DMD: variants seen among roughly 807,000 people sequenced by gnomAD.
The protein encoded by DMD is dystrophin.
DMD carries 63 observed loss-of-function variants against 330.1 expected under a neutral mutation model. The ratio of observed to expected loss-of-function variants is 0.19; its 90% CI spans 0.16 to 0.24. DMD has a LOEUF of 0.24. DMD is among the 10% of genes least tolerant of loss of function. DMD has a pLI of 1.00. For missense variants in DMD, 3,344 were observed against 2,684.1 expected, an observed-to-expected ratio of 1.25 and a Z score of -5.43; for synonymous variants, 1,223 against 959.8, an observed-to-expected ratio of 1.27 and a Z score of -5.07.
chrX:31,302,817 C>G (rs888001344), intron 62 of DMD, among the ~76,000 whole-genome samples: 1 of 111,530 alleles, frequency 9.0e-6, no homozygotes, highest in Non-Finnish European at 1.9e-5. Flanking sequence ...AAGAAGACCT[C>G]TGACAAGCAA....
At chrX:32,664,405 C>A (rs1265846614) in intron 9 of DMD, among the ~76,000 whole-genome samples, 1 of 109,630 alleles carries the variant, frequency 9.1e-6, no homozygotes, top group Non-Finnish European at 1.9e-5. Context: ...CCACGGCCGG[C>A]AAATTTTTTG....
At chrX:32,348,604 T>C in intron 37 of DMD, 76 bp from the exon 38 acceptor site, 1 of 924,248 alleles carries the variant, frequency 1.1e-6, no homozygotes, top group East Asian at 3.4e-5. Flanking sequence ...AATACATTTA[T>C]TCAACCTCCT....
chrX:32,460,110 A>C (rs1423658636), intron 25 of DMD, among the ~76,000 whole-genome samples: 1 of 107,009 alleles, frequency 9.3e-6, no homozygotes, highest in Non-Finnish European at 1.9e-5. Flanking sequence ...TGGCCAATTA[A>C]TATATGAAAA....
intron 63 of DMD, among the ~76,000 whole-genome samples, chrX:31,238,553 C>T (rs1161890020): frequency 4.5e-5 from 5 of 111,623 alleles, no homozygotes; most frequent in Admixed American, 1.9e-4. Context: ...CTGATACCAT[C>T]GAGTCCTTAC....
At chrX:32,560,225 C>G (rs2050837209) in intron 16 of DMD, among the ~76,000 whole-genome samples, 1 of 106,100 alleles carries the variant, frequency 9.4e-6, no homozygotes, top group Non-Finnish European at 1.9e-5. Context: ...CACCAAAGCA[C>G]CTGGTATATA....
intron 1 of DMD, among the ~76,000 whole-genome samples, chrX:33,290,760 C>G (rs2053499607): frequency 9.0e-6 from 1 of 111,277 alleles, no homozygotes; most frequent in Non-Finnish European, 1.9e-5. Context: ...TATACATGGT[C>G]ACAAAATAAG....
intron 1 of DMD, among the ~76,000 whole-genome samples, chrX:33,142,381 G>A (rs1055516641): frequency 1.8e-5 from 2 of 113,034 alleles, no homozygotes; most frequent in South Asian, 3.6e-4. Context: ...CGCTGTGCCC[G>A]GCGAGGCTTT....
Position 32,823,352 on chromosome X carries a change from T to G in DMD, c.300A>C (p.Val100=). The G allele has an allele frequency of 8.3e-7, 1 of 1,209,211 alleles. No individual in the cohort carries two copies. ...DLVNIGSTDI[V]DGNHKLTLGL... ...CAAGAGTCAGTTTATGATTTCCATC[T>G]ACGATGTCAGTACTTCCAATATTCA... Residue 100 remains valine, a synonymous_variant, in exon 5 of 79, where the codon GTA becomes GTC. Coordinates refer to ENST00000357033, the MANE Select transcript of DMD (RefSeq NM_004006.3).
chrX:32,649,559 T>TAAAAAAA (rs1161462889), intron 9 of DMD, among the ~76,000 whole-genome samples: 4 of 54,252 alleles, frequency 7.4e-5, no homozygotes, highest in African/African-American at 5.0e-4. Context: ...CCGTCTCTTT[T>TAAAAAAA]AAAAAAAAAA....
intron 1 of DMD, among the ~76,000 whole-genome samples, chrX:33,208,414 C>T (rs1381254651): frequency 9.0e-6 from 1 of 110,697 alleles, no homozygotes; most frequent in East Asian, 2.8e-4. Context: ...CATGAGGGGC[C>T]CCTCCCAAGG....
intron 2 of DMD, among the ~76,000 whole-genome samples, chrX:32,985,966 A>G (rs144631821): frequency 0.015 from 1,647 of 111,635 alleles, 17 homozygotes; most frequent in Middle Eastern, 0.042. Context: ...TGTCCAAGGA[A>G]CATGCATCTT....
chrX:31,678,576 A>G (rs1302258193), intron 53 of DMD, among the ~76,000 whole-genome samples: 1 of 111,554 alleles, frequency 9.0e-6, no homozygotes, highest in Admixed American at 9.6e-5. Context: ...GCAGACAGAT[A>G]TTTGAGGAAA....
At chrX:32,035,850 A>G (rs1222882547) in intron 44 of DMD, among the ~76,000 whole-genome samples, 1 of 111,698 alleles carries the variant, frequency 9.0e-6, no homozygotes, top group Non-Finnish European at 1.9e-5. Flanking sequence ...GAAAAAAACA[A>G]CAGGGAACGT....
chrX:31,254,449 C>A (rs6631284), intron 63 of DMD, among the ~76,000 whole-genome samples: 19,194 of 110,290 alleles, frequency 0.17, 1,330 homozygotes, highest in Non-Finnish European at 0.22. Context: ...CTCGTCCTCC[C>A]GGGCTCAAGC....
At chrX:32,331,852 T>A (rs1023832017) in intron 41 of DMD, among the ~76,000 whole-genome samples, 1 of 111,827 alleles carries the variant, frequency 8.9e-6, no homozygotes. Flanking sequence ...TTGCTTAAAC[T>A]TACAAGAATA....
intron 1 of DMD, among the ~76,000 whole-genome samples, chrX:33,114,112 A>AT (rs1283009939): frequency 0.071 from 7,031 of 99,001 alleles, 323 homozygotes; most frequent in African/African-American, 0.15. Flanking sequence ...TATTATTATT[A>AT]TTTTTTTTTT....
At chrX:32,613,577 T>C (rs950993265) in intron 12 of DMD, among the ~76,000 whole-genome samples, 1 of 110,526 alleles carries the variant, frequency 9.0e-6, no homozygotes, top group Non-Finnish European at 1.9e-5. Flanking sequence ...TCATTTATCA[T>C]CAAGCTTGGC....
chrX:33,268,841 C>T (rs2053095624), intron 1 of DMD, among the ~76,000 whole-genome samples: 2 of 101,297 alleles, frequency 2.0e-5, no homozygotes, highest in African/African-American at 7.3e-5. Context: ...GCATGAGAAT[C>T]ATTTGAACCC....
At chrX:31,899,141 C>G (rs765014036) in intron 47 of DMD, among the ~76,000 whole-genome samples, 4 of 111,601 alleles carry the variant, frequency 3.6e-5, no homozygotes, top group Non-Finnish European at 7.5e-5. Context: ...TTGCAGTGTG[C>G]TCCTCCAAAC....
Sources: gnomAD v4.1 joint callset for allele counts (sites outside exome capture counted in the v4.1 genomes callset) on GRCh38, gnomAD v4.1.1 for gene constraint, MANE v1.5 for transcripts, NCBI Gene and HGNC (gene_info 2026-07-23, HGNC 2026-07-21) for gene names.